The following SPATA16 variants were observed in gnomAD, a reference collection of about 807,000 sequenced individuals.
SPATA16 encodes the protein spermatogenesis-associated protein 16.
A neutral mutation model predicts 63.3 loss-of-function variants in SPATA16; 36 were observed. The observed-to-expected ratio is 0.57, with a 90% CI of 0.44 to 0.75. The LOEUF (loss-of-function observed/expected upper bound fraction) is 0.75. Ranked by LOEUF, SPATA16 falls within the 30% of genes least tolerant of loss-of-function variation. SPATA16 has a pLI of 0.00. For missense variants in SPATA16, 646 were observed against 679.3 expected, an observed-to-expected ratio of 0.95 and a Z score of 0.54; for synonymous variants, 203 against 216.7, an observed-to-expected ratio of 0.94 and a Z score of 0.56.
At chr3:172,934,211 C>A (rs958053649) in intron 6 of SPATA16, among the ~76,000 whole-genome samples, 4 of 152,092 alleles carry the variant, frequency 2.6e-5, no homozygotes, top group African/African-American at 7.2e-5. Flanking sequence ...CAATAAAAGT[C>A]ATGTGATCTC....
intron 1 of SPATA16, among the ~76,000 whole-genome samples, chr3:173,123,460 T>C (rs540590025): frequency 2.6e-5 from 4 of 152,266 alleles, no homozygotes; most frequent in African/African-American, 7.2e-5. Context: ...TTTAAAAGTT[T>C]TTTTTTTAAC....
chr3:172,971,853 T>G (rs921691020), intron 5 of SPATA16, among the ~76,000 whole-genome samples: 3 of 152,076 alleles, frequency 2.0e-5, no homozygotes, highest in Non-Finnish European at 2.9e-5. Context: ...CTGGTAGGCC[T>G]AATAGCAAAA....
intron 3 of SPATA16, among the ~76,000 whole-genome samples, chr3:173,043,175 T>C (rs34776840): frequency 0.025 from 3,875 of 152,188 alleles, 162 homozygotes; most frequent in African/African-American, 0.088. Context: ...CTGACGTAGT[T>C]TGATTGAACT....
intron 2 of SPATA16, among the ~76,000 whole-genome samples, chr3:173,102,322 C>A (rs1275510605): frequency 3.3e-5 from 5 of 152,168 alleles, no homozygotes; most frequent in African/African-American, 9.7e-5. Flanking sequence ...TTAGGTCATT[C>A]TTGCATTGTT....
At chr3:173,064,244 G>T (rs1469753182) in intron 2 of SPATA16, among the ~76,000 whole-genome samples, 2 of 146,578 alleles carry the variant, frequency 1.4e-5, no homozygotes, top group African/African-American at 2.6e-5. Flanking sequence ...GGAGGCAGAG[G>T]TTGCAGTGAG....
chr3:172,992,939 TA>T (rs1237465012), intron 4 of SPATA16, among the ~76,000 whole-genome samples: 1 of 152,168 alleles, frequency 6.6e-6, no homozygotes, highest in Non-Finnish European at 1.5e-5. Flanking sequence ...AATCACTTGA[TA>T]GAGGCAATTC....
chr3:172,943,018 A>ACAACAAAAAT (rs1733193119), intron 6 of SPATA16, among the ~76,000 whole-genome samples: 1 of 152,214 alleles, frequency 6.6e-6, no homozygotes, highest in Non-Finnish European at 1.5e-5. Flanking sequence ...TTTTTAGGGC[A>ACAACAAAAAT]CAACAAAAAT....
At chr3:173,056,705 C>CAAAAAAAAAAAAAAAAAAAAA (rs71162325) in intron 2 of SPATA16, among the ~76,000 whole-genome samples, 11 of 73,616 alleles carry the variant, frequency 1.5e-4, no homozygotes, top group African/African-American at 6.2e-4. Context: ...ACTCTTGTTT[C>CAAAAAAAAAAAAAAAAAAAAA]AAAAAAAAAA....
At chr3:172,990,553 A>C (rs558793179) in intron 4 of SPATA16, among the ~76,000 whole-genome samples, 4 of 152,280 alleles carry the variant, frequency 2.6e-5, no homozygotes, top group African/African-American at 9.6e-5. Flanking sequence ...TTCATAAGCT[A>C]TATTCTCCTA....
At chr3:172,973,273 G>A (rs1432923022) in intron 5 of SPATA16, among the ~76,000 whole-genome samples, 2 of 152,104 alleles carry the variant, frequency 1.3e-5, no homozygotes, top group African/African-American at 4.8e-5. Context: ...TCATGTGTGT[G>A]TGTGTTTATG....
At chr3:172,917,782 C>T (rs1418536734) in intron 8 of SPATA16, among the ~76,000 whole-genome samples, 1 of 152,172 alleles carries the variant, frequency 6.6e-6, no homozygotes, top group Admixed American at 6.5e-5. Context: ...AGAGAATCTC[C>T]TCTAAGGAGA....
At chr3:172,947,273 A>G (rs1365943594) in intron 6 of SPATA16, among the ~76,000 whole-genome samples, 3 of 152,216 alleles carry the variant, frequency 2.0e-5, no homozygotes. Flanking sequence ...AAAGACAACA[A>G]TAAACACTTC....
intron 1 of SPATA16, among the ~76,000 whole-genome samples, chr3:173,130,319 C>T (rs1738340166): frequency 1.5e-5 from 2 of 135,814 alleles, no homozygotes; most frequent in Non-Finnish European, 3.0e-5. Context: ...GAGATTGTGC[C>T]ACTGCACTCC....
intron 2 of SPATA16, among the ~76,000 whole-genome samples, chr3:173,081,360 G>A (rs898576446): frequency 3.8e-4 from 58 of 152,192 alleles, no homozygotes; most frequent in Non-Finnish European, 1.5e-5. Context: ...ACTGGATGGT[G>A]TGGGGAATGC....
intron 1 of SPATA16, among the ~76,000 whole-genome samples, chr3:173,131,762 G>C (rs1343158996): frequency 6.6e-6 from 1 of 152,124 alleles, no homozygotes; most frequent in Non-Finnish European, 1.5e-5. Flanking sequence ...ACTTCTTTGA[G>C]GGTTGCAGCT....
At chr3:172,920,298 T>C (rs1732590089) in intron 8 of SPATA16, among the ~76,000 whole-genome samples, 1 of 152,240 alleles carries the variant, frequency 6.6e-6, no homozygotes, top group Admixed American at 6.5e-5. Context: ...TGCAGAGCAC[T>C]ATGCATGTGC....
intron 4 of SPATA16, among the ~76,000 whole-genome samples, chr3:173,018,852 G>C (rs757382156): frequency 3.9e-5 from 6 of 152,176 alleles, no homozygotes; most frequent in Non-Finnish European, 8.8e-5. Flanking sequence ...CAGAAGAGGA[G>C]TCTTGTGAGC....
At chr3:173,026,184 C>G (rs1735450372) in intron 3 of SPATA16, among the ~76,000 whole-genome samples, 1 of 151,944 alleles carries the variant, frequency 6.6e-6, no homozygotes, top group Non-Finnish European at 1.5e-5. Flanking sequence ...TCCCTAGTAA[C>G]TAAAGATGTT....
chr3:173,022,201 T>G (rs1484008582), intron 3 of SPATA16, among the ~76,000 whole-genome samples: 1 of 152,198 alleles, frequency 6.6e-6, no homozygotes, highest in Admixed American at 6.5e-5. Context: ...AAAAATTACT[T>G]GTAATTATAA....
Sources: gnomAD v4.1 joint callset for allele counts (sites outside exome capture counted in the v4.1 genomes callset) on GRCh38, gnomAD v4.1.1 for gene constraint, MANE v1.5 for transcripts, NCBI Gene and HGNC (gene_info 2026-07-23, HGNC 2026-07-21) for gene names.